Variants in ADORA1 observed in about 807,000 individuals in gnomAD.
The protein encoded by ADORA1 is adenosine A1 receptor.
In ADORA1, 6 loss-of-function variants were observed where a neutral mutation model predicts 19.9. The ratio of observed to expected loss-of-function variants is 0.30; its 90% confidence interval spans 0.17 to 0.59. ADORA1 has a LOEUF of 0.59. Among genes scored for constraint, ADORA1 ranks in the 20% least tolerant of loss-of-function variants. ADORA1 has a pLI of 0.87. For missense variants in ADORA1, 302 were observed against 439.2 expected, an observed-to-expected ratio of 0.69 and a Z score of 2.79; for synonymous variants, 194 against 188.4, an observed-to-expected ratio of 1.03 and a Z score of -0.24.
chr1:203,165,342 C>T lies in ADORA1; in HGVS notation c.423C>T (p.Thr141=), dbSNP rs1303572502. 1.3e-6 allele frequency: 2 copies of T among 1,581,964 alleles called. No individual in the cohort carries two copies. The highest frequency in any genetic ancestry group is 2.2e-5 in the East Asian group (1 of 44,586). Residue 141 remains threonine (T), a synonymous_variant, in exon 4 of 4, where the codon ACC becomes ACT. Coordinates refer to ENST00000337894, the MANE Select transcript of ADORA1 (RefSeq NM_000674.3). The surrounding 1 kb of genome is among the most constrained non-coding windows in gnomAD (Gnocchi z 5.9). ...CWILSFVVGL[T]PMFGWNNLSA... ...TCCTCTCCTTCGTGGTGGGACTGAC[C>T]CCTATGTTTGGCTGGAACAATCTGA...
At chr1:203,157,084 A>T (rs1434842451) in intron 3 of ADORA1, among the ~76,000 whole-genome samples, 1 of 152,238 alleles carries the variant, frequency 6.6e-6, no homozygotes, top group Non-Finnish European at 1.5e-5. Context: ...AAATACATTT[A>T]TTCCATCCCA....
intron 3 of ADORA1, among the ~76,000 whole-genome samples, chr1:203,154,996 T>C (rs904968122): frequency 6.6e-6 from 1 of 151,330 alleles, no homozygotes; most frequent in Non-Finnish European, 1.5e-5. Flanking sequence ...CACCATCTGA[T>C]GGCATCTGGG....
chr1:203,137,047 T>C (rs12125460), intron 3 of ADORA1, among the ~76,000 whole-genome samples: 31,618 of 151,938 alleles, frequency 0.21, 3,581 homozygotes, highest in East Asian at 0.38. Flanking sequence ...GAATGTGCTA[T>C]TGAAAAAAGA....
Position 203,128,292 on chromosome 1 carries a change from G to A in ADORA1, c.-198G>A, listed in dbSNP as rs200013629. The A allele has an allele frequency of 1.3e-5, 17 of 1,270,952 alleles. No homozygotes were observed. The highest frequency in any genetic ancestry group is 1.5e-5 in the Non-Finnish European group (15 of 975,128). 78.7% of individuals were successfully genotyped at this position (1,270,952 alleles called of 1,614,324 possible). On this transcript the variant is annotated 5_prime_UTR_variant, in exon 2 of 4. Transcript: ENST00000337894. The surrounding 1 kb of genome is among the most constrained non-coding windows in gnomAD (Gnocchi z 5.9). ...TTGCTTGAAAGGCCGGGCTGGGAGC[G>A]CTGCGGCGGGAGCCGGAGGACTATG...
At chr1:203,132,646 C>T (rs986945604) in intron 3 of ADORA1, among the ~76,000 whole-genome samples, 1 of 152,094 alleles carries the variant, frequency 6.6e-6, no homozygotes, top group Non-Finnish European at 1.5e-5. Context: ...AGTTCGAGAT[C>T]AGCCTGGACA....
chr1:203,154,444 C>T lies in ADORA1; in HGVS notation c.342-10817C>T, dbSNP rs541522622. Among the ~76,000 whole-genome samples the T allele has an allele frequency of 2.4e-4, 36 of 152,294 alleles. No individual in the cohort carries two copies. The South Asian group carries it at 7.5e-3, about 32-fold the overall frequency. ...GGTGATGAAGCAGCCGAGACACAAA[C>T]AGGGAGAGTGAAGTAACCCAGAGAT... On this transcript the variant is annotated intron_variant, in intron 3 of 3. Coordinates refer to ENST00000337894, the MANE Select transcript of ADORA1 (RefSeq NM_000674.3).
chr1:203,158,148 T>G (rs545787404), intron 3 of ADORA1, among the ~76,000 whole-genome samples: 1 of 152,294 alleles, frequency 6.6e-6, no homozygotes, highest in Non-Finnish European at 1.5e-5. Flanking sequence ...ATGATAAGTT[T>G]CATCTTTAAA....
chr1:203,165,404 TG>T lies in ADORA1; in HGVS notation c.490del (p.Glu164SerfsTer3). The T allele has an allele frequency of 6.2e-7, 1 of 1,611,640 alleles. No homozygotes were observed. Among genetic ancestry groups the T allele is most frequent in the Non-Finnish European group, 8.5e-7 (1 of 1,178,712 alleles). ...VERAWAANGS[M>X]GEPVIKCEFE... ...CGGGCCTGGGCAGCCAACGGCAGCA[TG>T]GGGGAGCCCGTGATCAAGTGCGAGT... On this transcript the variant is annotated frameshift_variant, in exon 4 of 4. Transcript: ENST00000337894. LOFTEE classifies it high-confidence loss of function. This position sits in a 1 kb window ranked among gnomAD's most constrained non-coding sequence, Gnocchi z 5.9.
Position 203,165,093 on chromosome 1 carries a change from A to G in ADORA1, c.342-168A>G. Reference sequence around the variant, plus strand: ...ATGCATGGCAAGCACTAAATCTTAGATCCTGAAGACTCAGCCCTCGAGCAA... The same window carrying G: ...ATGCATGGCAAGCACTAAATCTTAGGTCCTGAAGACTCAGCCCTCGAGCAA... On this transcript the variant is annotated intron_variant, in intron 3 of 3. Transcript: ENST00000337894. This position sits in a 1 kb window ranked among gnomAD's most constrained non-coding sequence, Gnocchi z 5.9. 6.4e-7 allele frequency: 1 copy of G among 1,550,874 alleles called. No homozygotes were observed. The highest frequency in any genetic ancestry group is 8.7e-7 in the Non-Finnish European group (1 of 1,147,076).
At chr1:203,135,098 T>G (rs1323608351) in intron 3 of ADORA1, among the ~76,000 whole-genome samples, 1 of 152,172 alleles carries the variant, frequency 6.6e-6, no homozygotes, top group Admixed American at 6.5e-5. Context: ...ACTCATCACC[T>G]GGGTAGCTTT....
intron 3 of ADORA1, among the ~76,000 whole-genome samples, chr1:203,133,654 C>T (rs1654413764): frequency 6.6e-6 from 1 of 152,216 alleles, no homozygotes. Context: ...ATGGCCTCTG[C>T]ACTCTGCTCA....
At chr1:203,142,803 C>T (rs926685924) in intron 3 of ADORA1, among the ~76,000 whole-genome samples, 1 of 152,154 alleles carries the variant, frequency 6.6e-6, no homozygotes, top group Non-Finnish European at 1.5e-5. Flanking sequence ...GGAGCTGGCT[C>T]TGAGGGAGCT....
chr1:203,165,958 A>G lies in ADORA1; in HGVS notation c.*58A>G, dbSNP rs1655540499. On this transcript the variant is annotated 3_prime_UTR_variant, in exon 4 of 4. Coordinates refer to ENST00000337894, the MANE Select transcript of ADORA1 (RefSeq NM_000674.3). The surrounding 1 kb of genome is among the most constrained non-coding windows in gnomAD (Gnocchi z 5.9). ...AGTGGGGTCTCAGTCCAGTCCTCAC[A>G]TGCCCGCTGTCCCAGGGGTCTCCCT... 6 of 1,499,982 alleles carry G rather than the reference A, an allele frequency of 4.0e-6. No homozygotes were observed. Among genetic ancestry groups the G allele is most frequent in the Non-Finnish European group, 5.3e-6 (6 of 1,129,466 alleles). The allele number at this position is 1,499,982 out of a possible 1,614,324, so 92.9% of individuals were successfully genotyped here.
chr1:203,142,190 T>C (rs181981410), intron 3 of ADORA1, among the ~76,000 whole-genome samples: 223 of 152,358 alleles, frequency 1.5e-3, no homozygotes, highest in African/African-American at 5.0e-3. Context: ...GTGGGGCTGT[T>C]ACTGTTGTTA....
chr1:203,152,431 C>G (rs529271558), intron 3 of ADORA1: 1 of 152,410 alleles, frequency 6.6e-6, no homozygotes, highest in East Asian at 1.9e-4. Context: ...TGGGAAGCCG[C>G]ATAAAGCCAT....
At chr1:203,129,288 G>A in intron 3 of ADORA1, 106 bp downstream of exon 3, 2 of 1,490,734 alleles carry the variant, frequency 1.3e-6, no homozygotes. Flanking sequence ...TAAGCCAGAT[G>A]TTCTTTGGGC....
intron 3 of ADORA1, among the ~76,000 whole-genome samples, chr1:203,161,922 C>T (rs1300395331): frequency 6.6e-6 from 1 of 152,106 alleles, no homozygotes; most frequent in African/African-American, 2.4e-5. Context: ...GGCCTGTGGA[C>T]GGGGCCCCTC....
chr1:203,159,198 G>A (rs1655288192), intron 3 of ADORA1, among the ~76,000 whole-genome samples: 1 of 152,220 alleles, frequency 6.6e-6, no homozygotes, highest in Non-Finnish European at 1.5e-5. Flanking sequence ...GGCTAAAATA[G>A]CCTCCTGCTG....
chr1:203,153,590 C>T (rs891240923), intron 3 of ADORA1, among the ~76,000 whole-genome samples: 2 of 152,166 alleles, frequency 1.3e-5, no homozygotes, highest in Admixed American at 6.5e-5. Context: ...CAGCCCGAGT[C>T]TCCTTTTGGG....
Sources: allele counts gnomAD v4.1 joint callset (sites outside exome capture counted in the v4.1 genomes callset), GRCh38; gene constraint gnomAD v4.1.1; non-coding constraint Gnocchi (gnomAD v3.1); transcripts MANE v1.5; gene names NCBI Gene and HGNC (gene_info 2026-07-23, HGNC 2026-07-21).